The following SPECC1L variants were observed in gnomAD, a reference collection of about 807,000 sequenced individuals.
SPECC1L encodes the protein sperm antigen with calponin homology and coiled-coil domains 1 like.
A neutral mutation model predicts 116.8 loss-of-function variants in SPECC1L; 40 were observed. The observed-to-expected ratio is 0.34, with a 90% CI of 0.27 to 0.45. SPECC1L has a LOEUF of 0.45. Ranked by LOEUF, SPECC1L falls within the 20% of genes least tolerant of loss-of-function variation. SPECC1L has a pLI of 1.00. For synonymous variants in SPECC1L, 504 were observed against 500.6 expected (o/e 1.01, Z -0.09); for missense variants, 1,110 against 1,373.6 (o/e 0.81, Z 3.03).
chr22:24,327,504 C>T (rs73167588), intron 6 of SPECC1L, among the ~76,000 whole-genome samples: 9,988 of 152,066 alleles, frequency 0.066, 436 homozygotes, highest in Non-Finnish European at 0.091. Context: ...TTACATGTGT[C>T]ATTGCAAGCA....
At chr22:24,393,414 T>A (rs1569446627) in intron 14 of SPECC1L, among the ~76,000 whole-genome samples, 1 of 152,080 alleles carries the variant, frequency 6.6e-6, no homozygotes, top group East Asian at 1.9e-4. Flanking sequence ...CAGGACTTTC[T>A]AGTGATTCAC....
chr22:24,388,398 C>T lies in SPECC1L; in HGVS notation c.3087+19078C>T, dbSNP rs539216631. ...ATGGTTTCCAGCTTCATCCGTGTCC[C>T]TACAAAGGACATGAACTCATCATTT... is the stretch of plus-strand genomic sequence containing the variant. On this transcript the variant is annotated intron_variant, in intron 14 of 16. Coordinates refer to ENST00000314328, the MANE Select transcript of SPECC1L (RefSeq NM_015330.6). Among the ~76,000 whole-genome samples, 14 of 151,796 alleles carry T rather than the reference C, an allele frequency of 9.2e-5. No homozygotes were observed. The East Asian group carries it at 2.1e-3, about 23-fold the overall frequency.
rs919653895 is a variant in SPECC1L, at chr22:24,321,288, G to A, written c.308G>A (p.Gly103Asp). Residue 103 changes from glycine (G) to aspartate (D), a missense_variant and splice_region_variant, in exon 5 of 17, where the codon GGC becomes GAC. Coordinates refer to ENST00000314328, the MANE Select transcript of SPECC1L (RefSeq NM_015330.6). ...TACATTTTTTGTATTAAACACATAG[G>A]CACAGCTTCTTCAACCAAGCGGAGC... ...TVENKSKISTGTASSTKRSTS... is the reference protein window; with the variant it reads ...TVENKSKISTDTASSTKRSTS... The A allele has an allele frequency of 6.2e-7, 1 of 1,613,604 alleles. No homozygotes were observed. The highest frequency in any genetic ancestry group is 1.3e-5 in the African/African-American group (1 of 75,002).
chr22:24,353,796 T>C (rs2041473239), intron 11 of SPECC1L, among the ~76,000 whole-genome samples: 1 of 152,236 alleles, frequency 6.6e-6, no homozygotes, highest in African/African-American at 2.4e-5. Flanking sequence ...TTGATGTGTC[T>C]TGTTACTTCT....
chr22:24,387,397 G>C (rs149507886), intron 14 of SPECC1L, among the ~76,000 whole-genome samples: 350 of 152,292 alleles, frequency 2.3e-3, no homozygotes, highest in Middle Eastern at 6.8e-3. Flanking sequence ...TAGGGGAACT[G>C]AGGGATCCTT....
Position 24,361,810 on chromosome 22 carries a change from C to T in SPECC1L, c.2744-1451C>T, listed in dbSNP as rs139000052. Among the ~76,000 whole-genome samples the T allele has an allele frequency of 3.9e-3, 582 of 149,828 alleles. 18 individuals are homozygous for T. Among genetic ancestry groups the T allele is most frequent in the Admixed American group, 0.034 (514 of 15,042 alleles). On this transcript the variant is annotated intron_variant, in intron 11 of 16. Transcript: ENST00000314328. ...AATCCTGTTCCCCCCTCTCCTGCCC[C>T]CTCCAAAAAAACAAAAAACGAGAGA...
intron 2 of SPECC1L, among the ~76,000 whole-genome samples, chr22:24,291,507 A>C (rs551253443): frequency 2.0e-5 from 3 of 152,234 alleles, no homozygotes; most frequent in Admixed American, 2.0e-4. Flanking sequence ...ATAATCTAAT[A>C]TAAGTAGTAG....
intron 4 of SPECC1L, among the ~76,000 whole-genome samples, chr22:24,317,559 C>T (rs1445406609): frequency 5.2e-5 from 7 of 134,250 alleles, no homozygotes; most frequent in African/African-American, 1.6e-4. Context: ...TAGGGGCGGC[C>T]GGGCAGAGGC....
At position 24,338,407 on chromosome 22, in the gene SPECC1L, C is replaced by T. The variant is rs1015529077; in HGVS notation, c.2582C>T (p.Ala861Val). Residue 861 changes from alanine to valine, a missense_variant, in exon 10 of 17, where the codon GCA becomes GTA. Coordinates refer to ENST00000314328, the MANE Select transcript of SPECC1L (RefSeq NM_015330.6). ...ASQVPNPAAA[A>V]IPRTPLSPSP... Reference sequence around the variant, plus strand: ...GTAGTACCAAACCCTGCTGCAGCTGCAATTCCTCGAACGCCCCTGAGCCCA... The same window carrying T: ...GTAGTACCAAACCCTGCTGCAGCTGTAATTCCTCGAACGCCCCTGAGCCCA... 4 of 1,613,918 alleles carry T rather than the reference C, an allele frequency of 2.5e-6. No individual in the cohort carries two copies. The African/African-American group carries it at 5.3e-5, about 22-fold the overall frequency.
chr22:24,397,637 A>G (rs1017550129), intron 14 of SPECC1L, among the ~76,000 whole-genome samples: 1 of 152,180 alleles, frequency 6.6e-6, no homozygotes. Context: ...TAAATTAATA[A>G]AATCCTATAG....
chr22:24,338,033 C>T (rs1269197643), intron 9 of SPECC1L, among the ~76,000 whole-genome samples: 1 of 152,160 alleles, frequency 6.6e-6, no homozygotes, highest in Non-Finnish European at 1.5e-5. Flanking sequence ...AGGCTTCTTA[C>T]CTGATATAGT....
intron 3 of SPECC1L, among the ~76,000 whole-genome samples, chr22:24,308,438 G>T (rs953917328): frequency 3.3e-5 from 5 of 152,220 alleles, no homozygotes; most frequent in Middle Eastern, 3.4e-3. Flanking sequence ...TCCAGATTTG[G>T]GTTTGGTAAT....
At chr22:24,279,003 A>G (rs1237307889) in intron 2 of SPECC1L, among the ~76,000 whole-genome samples, 2 of 152,196 alleles carry the variant, frequency 1.3e-5, no homozygotes, top group African/African-American at 2.4e-5. Context: ...ACTCTTCACA[A>G]AAGGATGAGG....
At chr22:24,333,134 A>C (rs1206511914) in intron 8 of SPECC1L, among the ~76,000 whole-genome samples, 3 of 152,206 alleles carry the variant, frequency 2.0e-5, no homozygotes, top group African/African-American at 7.2e-5. Flanking sequence ...AGACTGAGGC[A>C]GGAGAATCAC....
At chr22:24,329,416 G>A (rs544305771) in intron 7 of SPECC1L, among the ~76,000 whole-genome samples, 1 of 152,346 alleles carries the variant, frequency 6.6e-6, no homozygotes, top group South Asian at 2.1e-4. Context: ...TGGTTATAAG[G>A]TGCCCCAAAC....
At chr22:24,409,861 C>CA (rs781378138) in intron 14 of SPECC1L, among the ~76,000 whole-genome samples, 4 of 151,836 alleles carry the variant, frequency 2.6e-5, no homozygotes, top group East Asian at 3.9e-4. Flanking sequence ...CTCATCTCTA[C>CA]AAAAAAACAA....
At chr22:24,287,533 G>A (rs1420432351) in intron 2 of SPECC1L, among the ~76,000 whole-genome samples, 1 of 152,314 alleles carries the variant, frequency 6.6e-6, no homozygotes, top group South Asian at 2.1e-4. Context: ...TCTTCCAGTC[G>A]CCAAGAGGCG....
chr22:24,303,347 T>C (rs1461228241), intron 3 of SPECC1L, among the ~76,000 whole-genome samples: 1 of 152,186 alleles, frequency 6.6e-6, no homozygotes, highest in African/African-American at 2.4e-5. Context: ...CCTGAGGAAT[T>C]GTTAGGTATC....
intron 2 of SPECC1L, among the ~76,000 whole-genome samples, chr22:24,285,088 T>TTA (rs1261962259): frequency 1.3e-5 from 2 of 152,300 alleles, no homozygotes; most frequent in East Asian, 3.9e-4. Context: ...TGGCACACAC[T>TTA]TAGATTGGGT....
Sources: gnomAD v4.1 joint callset for allele counts (sites outside exome capture counted in the v4.1 genomes callset) on GRCh38, gnomAD v4.1.1 for gene constraint, MANE v1.5 for transcripts, NCBI Gene and HGNC (gene_info 2026-07-23, HGNC 2026-07-21) for gene names.